The following NAT10 variants were observed in gnomAD, a reference collection of about 807,000 sequenced individuals.
The protein encoded by NAT10 is N-acetyltransferase 10.
NAT10 carries 109 observed loss-of-function variants against 132.2 expected under a neutral mutation model. The ratio of observed to expected loss-of-function variants is 0.82; its 90% confidence interval spans 0.71 to 0.97. The LOEUF (loss-of-function observed/expected upper bound fraction) is 0.97. Among genes scored for constraint, NAT10 ranks in the 50% least tolerant of loss-of-function variants. The pLI is 0.00. For missense variants in NAT10, 1,184 were observed against 1,263.4 expected (o/e 0.94, Z 0.95); for synonymous variants, 479 against 478.0 (o/e 1.00, Z -0.03).
intron 1 of NAT10, among the ~76,000 whole-genome samples, chr11:34,106,561 C>CA (rs1391296051): frequency 1.3e-5 from 2 of 152,156 alleles, no homozygotes; most frequent in Non-Finnish European, 2.9e-5. Flanking sequence ...GTAGCTAGAG[C>CA]AAAAGGCAGC....
chr11:34,145,164 C>G (rs1030222581), intron 28 of NAT10, among the ~76,000 whole-genome samples: 2 of 152,232 alleles, frequency 1.3e-5, no homozygotes, highest in Non-Finnish European at 2.9e-5. Flanking sequence ...TGGAGACGGC[C>G]TCAGCTCCTC....
chr11:34,120,826 G>T (rs1013056493), intron 8 of NAT10, among the ~76,000 whole-genome samples: 4 of 152,242 alleles, frequency 2.6e-5, no homozygotes, highest in African/African-American at 9.6e-5. Context: ...CCAGATGAGG[G>T]TGGGGCGCTG....
chr11:34,117,212 A>T (rs1476880367), intron 6 of NAT10, among the ~76,000 whole-genome samples: 1 of 122,788 alleles, frequency 8.1e-6, no homozygotes, highest in Non-Finnish European at 1.8e-5. Context: ...TTACCAAAAA[A>T]ATTTATTTTT....
chr11:34,141,321 TCACACACACACA>T, intron 25 of NAT10, 113 bp downstream of exon 25: 7 of 1,211,172 alleles, frequency 5.8e-6, no homozygotes, highest in South Asian at 1.4e-5. Flanking sequence ...CTGCATCTCG[TCACACACACACA>T]CACACACACA....
At chr11:34,122,630 G>A (rs112208767) in intron 9 of NAT10, 38 bp downstream of exon 9, 2 of 1,609,504 alleles carry the variant, frequency 1.2e-6, no homozygotes, top group Non-Finnish European at 1.7e-6. Flanking sequence ...GGAACTCTGG[G>A]CTCTGTGGGG....
At position 34,143,475 on chromosome 11, in the gene NAT10, G is replaced by A; in HGVS notation, c.2916G>A (p.Trp972Ter). Reference protein sequence around the residue: ...EYIIRGDDEEWNEVLNKAGPN... With the variant: ...EYIIRGDDEE ...TAATCCGTGGGGACGATGAAGAGTG[G>A]AATGAAGTTTTGAACAAAGCTGGGC... Residue 972 changes from tryptophan (W) to a stop codon, truncating the protein, a stop_gained, in exon 28 of 29, where the codon TGG becomes TGA. Transcript: ENST00000257829. LOFTEE classifies it high-confidence loss of function. 6.2e-7 allele frequency: 1 copy of A among 1,614,116 alleles called. No individual in the cohort carries two copies. The highest frequency in any genetic ancestry group is 1.3e-5 in the African/African-American group (1 of 75,046).
intron 8 of NAT10, among the ~76,000 whole-genome samples, chr11:34,120,848 A>G (rs1024497003): frequency 6.6e-6 from 1 of 152,220 alleles, no homozygotes; most frequent in Non-Finnish European, 1.5e-5. Flanking sequence ...GGTTCTACAT[A>G]CAGGGGCAGG....
At chr11:34,129,599 CTTTTTTTTTTTT>C (rs71037399) in intron 12 of NAT10, among the ~76,000 whole-genome samples, 35 of 56,740 alleles carry the variant, frequency 6.2e-4, no homozygotes, top group African/African-American at 2.4e-3. Context: ...TCTTCTTCTT[CTTTTTTTTTTTT>C]TTTTTTTTTT....
chr11:34,141,451 CGT>C (rs1299344626), intron 25 of NAT10, among the ~76,000 whole-genome samples: 21 of 148,994 alleles, frequency 1.4e-4, no homozygotes, highest in East Asian at 2.0e-4. Flanking sequence ...CACACACACA[CGT>C]GCGCGCGCAA....
chr11:34,113,691 C>A (rs1590761545), intron 4 of NAT10, 25 bp from the exon 5 acceptor site: 1 of 1,605,322 alleles, frequency 6.2e-7, no homozygotes, highest in Non-Finnish European at 8.5e-7. Context: ...CATGACCAGC[C>A]CTTTCTAACG....
intron 8 of NAT10, 118 bp downstream of exon 8, chr11:34,118,621 T>C (rs1851828419): frequency 1.4e-6 from 1 of 707,782 alleles, no homozygotes; most frequent in East Asian, 2.7e-5. Context: ...AGGGGACTTT[T>C]CCCCTTGCTC....
At chr11:34,124,558 A>G (rs78798740) in intron 11 of NAT10, among the ~76,000 whole-genome samples, 158 bp downstream of exon 11, 2,561 of 152,312 alleles carry the variant, frequency 0.017, 51 homozygotes, top group African/African-American at 0.058. Context: ...AGATTTTCAG[A>G]CTCTTCTAAA....
At position 34,133,122 on chromosome 11, in the gene NAT10, G is replaced by C; in HGVS notation, c.1714G>C (p.Glu572Gln). ...PVPPTQNALPEVLAVIQVCLE... is the reference protein window; with the variant it reads ...PVPPTQNALPQVLAVIQVCLE... ...GCCCCCCACCCAGAATGCCCTTCCA[G>C]AAGTGCTTGCTGTTATCCAGGTATA... is the stretch of plus-strand genomic sequence containing the variant. The change falls in exon 16 of 29, where the codon GAA becomes CAA. Residue 572 changes from glutamate (E) to glutamine (Q), a missense_variant. Physicochemically the swap from Glu to Gln is conservative, Grantham distance 29 (BLOSUM62 2). Coordinates refer to ENST00000257829, the MANE Select transcript of NAT10 (RefSeq NM_024662.3). 1 of 1,613,874 alleles carries C rather than the reference G, an allele frequency of 6.2e-7. No homozygotes were observed. The highest frequency in any genetic ancestry group is 8.5e-7 in the Non-Finnish European group (1 of 1,179,760).
intron 5 of NAT10, among the ~76,000 whole-genome samples, chr11:34,114,839 C>T (rs1851757287): frequency 6.6e-6 from 1 of 152,160 alleles, no homozygotes; most frequent in Admixed American, 6.5e-5. Flanking sequence ...ATTTGTCTGT[C>T]CTCCTGTACT....
intron 16 of NAT10, 117 bp downstream of exon 16, chr11:34,133,259 A>G (rs1852138315): frequency 1.2e-6 from 1 of 818,546 alleles, no homozygotes; most frequent in African/African-American, 1.7e-5. Context: ...CTGGTCTGGA[A>G]CCAAGGGGCT....
At chr11:34,141,319 C>A in intron 25 of NAT10, 111 bp downstream of exon 25, 1 of 1,368,552 alleles carries the variant, frequency 7.3e-7, no homozygotes, top group South Asian at 1.3e-5. Context: ...TGCTGCATCT[C>A]GTCACACACA....
rs772962602 is a variant in NAT10 at position 34,134,415 on chromosome 11, G to C, written c.1831G>C (p.Glu611Gln). 4 of 1,614,218 alleles carry C rather than the reference G, an allele frequency of 2.5e-6. No homozygotes were observed. Among genetic ancestry groups the C allele is most frequent in the Non-Finnish European group, 3.4e-6 (4 of 1,180,020 alleles). ...SGDLIPWTVSEQFQDPDFGGL... is the reference protein window; with the variant it reads ...SGDLIPWTVSQQFQDPDFGGL... ...GGACCTGATTCCATGGACAGTGTCA[G>C]AACAGGTGACGGGCTTTCCCTGGTG... is the stretch of plus-strand genomic sequence containing the variant. The change falls in exon 17 of 29, where the codon GAA becomes CAA. Residue 611 changes from glutamate to glutamine, a missense_variant. Glu to Gln is a conservative substitution (Grantham distance 29). Transcript: ENST00000257829.
At chr11:34,139,534 C>G (rs1294156333) in intron 23 of NAT10, 39 bp downstream of exon 23, 4 of 1,567,494 alleles carry the variant, frequency 2.6e-6, no homozygotes, top group East Asian at 4.5e-5. Flanking sequence ...TTGGGAATGG[C>G]TTGGCTGTGT....
intron 18 of NAT10, 67 bp from the exon 19 acceptor site, chr11:34,135,108 G>C (rs1317745962): frequency 1.6e-6 from 2 of 1,259,978 alleles, no homozygotes; most frequent in Non-Finnish European, 2.3e-6. Flanking sequence ...ATGCAGGGGA[G>C]TCACTGTGGC....
Sources: gnomAD v4.1 joint callset for allele counts (sites outside exome capture counted in the v4.1 genomes callset) on GRCh38, gnomAD v4.1.1 for gene constraint, MANE v1.5 for transcripts, NCBI Gene and HGNC (gene_info 2026-07-23, HGNC 2026-07-21) for gene names.